Variants in KHDRBS2 observed in about 807,000 individuals in gnomAD.
KHDRBS2 encodes KH domain-containing, RNA-binding, signal transduction-associated protein 2.
A neutral mutation model predicts 44.3 loss-of-function variants in KHDRBS2; 26 were observed. That is an observed-to-expected ratio of 0.59 (90% CI 0.43 to 0.81). The LOEUF (loss-of-function observed/expected upper bound fraction) is 0.81. KHDRBS2 is among the 40% of genes least tolerant of loss of function. The pLI is 0.00. For missense variants in KHDRBS2, 476 were observed against 433.1 expected, an observed-to-expected ratio of 1.10 and a Z score of -0.88; for synonymous variants, 194 against 151.1, an observed-to-expected ratio of 1.28 and a Z score of -2.08.
rs1359882138 is a variant in KHDRBS2 at position 61,894,677 on chromosome 6, G to A, written c.768C>T (p.Tyr256=). 2 of 1,613,212 alleles carry A rather than the reference G, an allele frequency of 1.2e-6. No individual in the cohort carries two copies. Among genetic ancestry groups the A allele is most frequent in the East Asian group, 2.2e-5 (1 of 44,852 alleles). The change falls in exon 6 of 9, where the codon TAC becomes TAT. Residue 256 remains tyrosine (Y), a synonymous_variant. Transcript: ENST00000281156. ...RARGAPTVPG[Y]RAPPPPAHEA... The stretch of plus-strand genomic sequence containing the variant: ...CATGGGCTGGAGGAGGAGGTGCCCT[G>A]TATCCTGGCACTGTTGGTGCCCCCC...
At chr6:61,576,736 A>G in the KHDRBS2 span, among the ~76,000 whole-genome samples, 1 of 152,300 alleles carries the variant, frequency 6.6e-6, no homozygotes, top group Admixed American at 6.5e-5. Flanking sequence ...TCCCTGTTAT[A>G]CCATTATTTA....
intron 6 of KHDRBS2, among the ~76,000 whole-genome samples, chr6:61,773,286 A>T (rs1206175488): frequency 6.6e-6 from 1 of 152,138 alleles, no homozygotes; most frequent in Non-Finnish European, 1.5e-5. Context: ...ATATCTCCAC[A>T]TCCTCTCCAG....
At chr6:61,846,891 C>T (rs1417714560) in intron 6 of KHDRBS2, among the ~76,000 whole-genome samples, 2 of 151,832 alleles carry the variant, frequency 1.3e-5, no homozygotes, top group Non-Finnish European at 2.9e-5. Flanking sequence ...ATTTTTCCTT[C>T]AATAACTTTT....
At chr6:61,857,867 T>G (rs77143123) in intron 6 of KHDRBS2, among the ~76,000 whole-genome samples, 3,449 of 152,116 alleles carry the variant, frequency 0.023, 121 homozygotes, top group African/African-American at 0.079. Flanking sequence ...TTTCAGATAT[T>G]AAGTGATATG....
chr6:61,931,678 C>T (rs763096613), intron 4 of KHDRBS2, among the ~76,000 whole-genome samples: 14 of 152,098 alleles, frequency 9.2e-5, no homozygotes, highest in Non-Finnish European at 1.8e-4. Context: ...CTGTGTACAA[C>T]ATGATGTTTT....
chr6:61,648,667 C>T, the KHDRBS2 span, among the ~76,000 whole-genome samples: 1 of 152,078 alleles, frequency 6.6e-6, no homozygotes, highest in Non-Finnish European at 1.5e-5. Flanking sequence ...AAACAGAAAA[C>T]AAGGCGGTCA....
intron 2 of KHDRBS2, among the ~76,000 whole-genome samples, chr6:62,086,747 T>C (rs1396550394): frequency 1.3e-5 from 2 of 151,910 alleles, no homozygotes; most frequent in African/African-American, 2.4e-5. Flanking sequence ...GTGGGCCAAT[T>C]TGAGATCAGC....
chr6:61,959,856 T>C (rs763440235), intron 4 of KHDRBS2, among the ~76,000 whole-genome samples: 3 of 152,186 alleles, frequency 2.0e-5, no homozygotes, highest in Non-Finnish European at 4.4e-5. Flanking sequence ...TAAATGCTTC[T>C]GTTAGAAATT....
chr6:61,967,923 TAC>T (rs1324674566), intron 4 of KHDRBS2, among the ~76,000 whole-genome samples: 6 of 114,568 alleles, frequency 5.2e-5, no homozygotes, highest in African/African-American at 2.2e-4. Flanking sequence ...TACACATGCA[TAC>T]ACACACGTAT....
chr6:61,749,005 C>CTTTCT (rs1441442543), intron 6 of KHDRBS2, among the ~76,000 whole-genome samples: 2 of 130,486 alleles, frequency 1.5e-5, no homozygotes, highest in African/African-American at 5.8e-5. Context: ...TTCTTTCTTT[C>CTTTCT]TTTCTTTTTT....
chr6:62,260,289 C>A (rs1838128329), intron 1 of KHDRBS2, among the ~76,000 whole-genome samples: 1 of 151,916 alleles, frequency 6.6e-6, no homozygotes, highest in African/African-American at 2.4e-5. Context: ...TATTAAGTGC[C>A]AGGTACCTTC....
intron 2 of KHDRBS2, among the ~76,000 whole-genome samples, chr6:62,165,591 T>C (rs1330603148): frequency 6.6e-6 from 1 of 151,930 alleles, no homozygotes; most frequent in African/African-American, 2.4e-5. Flanking sequence ...TAATTTACTA[T>C]GCTGATAGAT....
At chr6:61,607,430 T>G in the KHDRBS2 span, among the ~76,000 whole-genome samples, 2 of 141,950 alleles carry the variant, frequency 1.4e-5, no homozygotes, top group African/African-American at 2.6e-5. Context: ...AACAATAAAA[T>G]AGATAAGCCT....
At chr6:61,771,850 A>G (rs1205338393) in intron 6 of KHDRBS2, among the ~76,000 whole-genome samples, 1 of 152,230 alleles carries the variant, frequency 6.6e-6, no homozygotes, top group Non-Finnish European at 1.5e-5. Flanking sequence ...ATAGAAATCT[A>G]CAGAACTCTC....
At chr6:62,205,721 G>T (rs1177754668) in intron 1 of KHDRBS2, among the ~76,000 whole-genome samples, 5 of 152,100 alleles carry the variant, frequency 3.3e-5, no homozygotes, top group Admixed American at 2.6e-4. Context: ...TTCTCAGCAA[G>T]TTTCCTCCTC....
At chr6:62,101,059 A>C (rs1434344980) in intron 2 of KHDRBS2, among the ~76,000 whole-genome samples, 1 of 152,178 alleles carries the variant, frequency 6.6e-6, no homozygotes, top group Non-Finnish European at 1.5e-5. Context: ...TTTTACAGCA[A>C]GACAAGCATT....
intron 1 of KHDRBS2, among the ~76,000 whole-genome samples, chr6:62,222,232 G>T (rs936753267): frequency 1.3e-5 from 2 of 151,894 alleles, no homozygotes; most frequent in Non-Finnish European, 2.9e-5. Context: ...GAGGGAGAGA[G>T]AGACAGAGAG....
At chr6:61,902,580 G>A (rs1307204462) in intron 4 of KHDRBS2, among the ~76,000 whole-genome samples, 1 of 152,030 alleles carries the variant, frequency 6.6e-6, no homozygotes, top group Admixed American at 6.6e-5. Flanking sequence ...GGTTATTTGT[G>A]CCAAATGGCC....
chr6:61,939,952 C>T (rs1017662682), intron 4 of KHDRBS2, among the ~76,000 whole-genome samples: 1 of 152,008 alleles, frequency 6.6e-6, no homozygotes, highest in East Asian at 1.9e-4. Flanking sequence ...TAAATGTACC[C>T]TTTTTTTCTT....
Sources: allele counts gnomAD v4.1 joint callset (sites outside exome capture counted in the v4.1 genomes callset), GRCh38; gene constraint gnomAD v4.1.1; transcripts MANE v1.5; gene names NCBI Gene and HGNC (gene_info 2026-07-23, HGNC 2026-07-21).